The following GRID2 variants were observed in gnomAD, a reference collection of about 807,000 sequenced individuals.
GRID2 encodes the protein glutamate ionotropic receptor delta type subunit 2.
Under a neutral mutation model 114.8 loss-of-function variants are expected in GRID2, and 33 were observed. The observed-to-expected ratio is 0.29, with a 90% CI of 0.22 to 0.38. The LOEUF is 0.38. Among genes scored for constraint, GRID2 ranks in the 10% least tolerant of loss-of-function variants. GRID2 has a pLI of 1.00. For missense variants in GRID2, 1,184 were observed against 1,257.7 expected, an observed-to-expected ratio of 0.94 and a Z score of 0.89; for synonymous variants, 505 against 449.9, an observed-to-expected ratio of 1.12 and a Z score of -1.55.
At chr4:92,973,471 G>C (rs1288520570) in intron 2 of GRID2, among the ~76,000 whole-genome samples, 1 of 152,126 alleles carries the variant, frequency 6.6e-6, no homozygotes, top group Admixed American at 6.6e-5. Context: ...TATTGCTAAA[G>C]AGAATTCAGT....
rs1036655663 is a variant in GRID2 at position 92,440,065 on chromosome 4, C to G, written c.88+135321C>G. ...GCATCTGTACAGGAGCTTAAATGGGCTGTACCCTGTAGCATTCCGAGGACA... is the reference window on the plus strand; with the variant it reads ...GCATCTGTACAGGAGCTTAAATGGGGTGTACCCTGTAGCATTCCGAGGACA... On this transcript the variant is annotated intron_variant, in intron 1 of 15. Transcript: ENST00000282020. 1.4e-5 allele frequency among the ~76,000 whole-genome samples: 2 copies of G among 146,202 alleles called. 1 individual carries two copies. Among genetic ancestry groups the G allele is most frequent in the Non-Finnish European group, 3.1e-5 (2 of 64,688 alleles).
At chr4:93,381,325 G>T (rs1763836703) in intron 8 of GRID2, among the ~76,000 whole-genome samples, 1 of 151,972 alleles carries the variant, frequency 6.6e-6, no homozygotes, top group African/African-American at 2.4e-5. Flanking sequence ...GAATCATAAG[G>T]TATTTGTTAT....
intron 9 of GRID2, among the ~76,000 whole-genome samples, chr4:93,401,410 T>C (rs1428148771): frequency 6.6e-6 from 1 of 152,132 alleles, no homozygotes; most frequent in Non-Finnish European, 1.5e-5. Context: ...GCAATTGTAA[T>C]TAGCACCATG....
At chr4:93,732,504 G>T (rs1730570540) in intron 14 of GRID2, among the ~76,000 whole-genome samples, 1 of 152,100 alleles carries the variant, frequency 6.6e-6, no homozygotes, top group Admixed American at 6.5e-5. Context: ...TTCTGCCTCT[G>T]CTGTTTACAG....
intron 14 of GRID2, among the ~76,000 whole-genome samples, chr4:93,698,555 T>G (rs1207343245): frequency 6.6e-6 from 1 of 152,110 alleles, no homozygotes; most frequent in Non-Finnish European, 1.5e-5. Flanking sequence ...GAAAGCACTT[T>G]GTCTTTTATG....
intron 1 of GRID2, among the ~76,000 whole-genome samples, chr4:92,384,462 ATATATATATATATATATT>A (rs1560598698): frequency 1.3e-4 from 6 of 44,924 alleles, no homozygotes; most frequent in African/African-American, 1.9e-4. Flanking sequence ...ATATATATAT[ATATATATATATATATATT>A]ATTTATATAT....
intron 10 of GRID2, among the ~76,000 whole-genome samples, chr4:93,451,567 T>C (rs1427330652): frequency 6.6e-6 from 1 of 152,056 alleles, no homozygotes; most frequent in African/African-American, 2.4e-5. Flanking sequence ...CTAAGAGCCA[T>C]GCAAATTCAT....
chr4:93,167,323 A>G (rs1738348246), intron 4 of GRID2, among the ~76,000 whole-genome samples: 1 of 152,134 alleles, frequency 6.6e-6, no homozygotes, highest in Non-Finnish European at 1.5e-5. Context: ...GTCTCCAAAG[A>G]GATTCCAACC....
At chr4:93,191,028 A>G (rs1331922762) in intron 4 of GRID2, among the ~76,000 whole-genome samples, 2 of 152,084 alleles carry the variant, frequency 1.3e-5, no homozygotes, top group African/African-American at 4.8e-5. Context: ...ATTAGTTCTG[A>G]GAATGATCTG....
chr4:93,691,495 G>A (rs984772447), intron 14 of GRID2, among the ~76,000 whole-genome samples: 3 of 152,042 alleles, frequency 2.0e-5, no homozygotes, highest in Non-Finnish European at 4.4e-5. Flanking sequence ...GCAGACCTGA[G>A]TTCAAATCTC....
chr4:93,193,072 C>A (rs916075829), intron 4 of GRID2, among the ~76,000 whole-genome samples: 5 of 152,146 alleles, frequency 3.3e-5, no homozygotes, highest in African/African-American at 4.8e-5. Context: ...TTAATTAGCA[C>A]AAGAATTAGT....
intron 2 of GRID2, among the ~76,000 whole-genome samples, chr4:92,704,723 T>TCTCTTTC (rs1734861937): frequency 1.1e-5 from 1 of 90,050 alleles, no homozygotes; most frequent in Admixed American, 1.2e-4. Context: ...CTCTCTCTCT[T>TCTCTTTC]TCTCTCTCTC....
intron 10 of GRID2, among the ~76,000 whole-genome samples, chr4:93,434,820 C>T (rs1177890254): frequency 6.6e-6 from 1 of 152,136 alleles, no homozygotes; most frequent in African/African-American, 2.4e-5. Flanking sequence ...CAATCAATTC[C>T]CTTTGTGATC....
intron 8 of GRID2, among the ~76,000 whole-genome samples, chr4:93,258,041 C>A (rs1749818184): frequency 6.8e-6 from 1 of 147,088 alleles, no homozygotes; most frequent in Non-Finnish European, 1.5e-5. Context: ...ACTGGTAATA[C>A]TAATATACAC....
intron 14 of GRID2, among the ~76,000 whole-genome samples, chr4:93,676,038 A>G (rs1317397625): frequency 6.6e-6 from 1 of 152,200 alleles, no homozygotes; most frequent in Non-Finnish European, 1.5e-5. Flanking sequence ...CAGAATATGA[A>G]TACACCCGGG....
intron 2 of GRID2, among the ~76,000 whole-genome samples, chr4:92,810,307 TA>T (rs1223690153): frequency 1.3e-5 from 2 of 151,970 alleles, no homozygotes; most frequent in African/African-American, 4.8e-5. Flanking sequence ...TAAATTTTTT[TA>T]ACCACAGTTA....
At chr4:92,665,693 T>C (rs1162951778) in intron 2 of GRID2, among the ~76,000 whole-genome samples, 3 of 151,000 alleles carry the variant, frequency 2.0e-5, no homozygotes, top group Non-Finnish European at 3.0e-5. Flanking sequence ...TTACCACATA[T>C]AGGATTCTTG....
chr4:92,650,925 C>G (rs908743088), intron 2 of GRID2, among the ~76,000 whole-genome samples: 1 of 151,962 alleles, frequency 6.6e-6, no homozygotes, highest in African/African-American at 2.4e-5. Context: ...GGAATTGGAA[C>G]TTGAGTCTTA....
intron 2 of GRID2, among the ~76,000 whole-genome samples, chr4:93,081,283 T>G (rs11934319): frequency 6.6e-6 from 1 of 152,204 alleles, no homozygotes; most frequent in African/African-American, 2.4e-5. Context: ...TTTCACTGAG[T>G]TCTCATTTTC....
Sources: allele counts gnomAD v4.1 joint callset (sites outside exome capture counted in the v4.1 genomes callset), GRCh38; gene constraint gnomAD v4.1.1; transcripts MANE v1.5; gene names NCBI Gene and HGNC (gene_info 2026-07-23, HGNC 2026-07-21).